The following TMEM175 variants were observed in gnomAD, a reference collection of about 807,000 sequenced individuals.
TMEM175 encodes the protein endosomal/lysosomal proton channel TMEM175.
Under a neutral mutation model 36.5 loss-of-function variants are expected in TMEM175, and 36 were observed. That is an observed-to-expected ratio of 0.99 (90% CI 0.76 to 1.30). TMEM175 has a LOEUF of 1.30. Ranked by LOEUF, TMEM175 falls within the 50% of genes most tolerant of loss-of-function variation. The pLI, the probability that TMEM175 is intolerant of heterozygous loss-of-function variation, is 0.00. For missense variants in TMEM175, 705 were observed against 692.8 expected (o/e 1.02, Z -0.20); for synonymous variants, 339 against 313.4 (o/e 1.08, Z -0.86).
chr4:938,455 G>C (rs2152996813), intron 1 of TMEM175, among the ~76,000 whole-genome samples: 1 of 152,236 alleles, frequency 6.6e-6, no homozygotes, highest in Admixed American at 6.5e-5. Flanking sequence ...AGTGAGCTGA[G>C]ATCGCACCAC....
At position 958,402 on chromosome 4, in the gene TMEM175, G is replaced by A. The variant is rs144899767; in HGVS notation, c.1421G>A (p.Arg474Gln). ...GTGGGCCTGGCCCTGGCCACCCTGC[G>A]GGTCCTGCGGGGCCTCGCCCGGCCC... ...LLVGLALATLRVLRGLARPEH... is the reference protein window; with the variant it reads ...LLVGLALATLQVLRGLARPEH... The change falls in exon 11 of 11, where the codon CGG becomes CAG. Residue 474 changes from arginine to glutamine, a missense_variant. Arg to Gln is a conservative substitution (Grantham distance 43). Transcript: ENST00000264771. The A allele has an allele frequency of 4.4e-5, 70 of 1,599,846 alleles. No individual in the cohort carries two copies. The highest frequency in any genetic ancestry group is 3.5e-4 in the African/African-American group (26 of 74,880).
At chr4:955,379 C>A (rs1303265115) in intron 8 of TMEM175, 26 bp from the exon 9 acceptor site, 1 of 1,604,786 alleles carries the variant, frequency 6.2e-7, no homozygotes. Flanking sequence ...GTGGAGGGCA[C>A]TGACCTGCGG....
chr4:941,515 G>A (rs895063524), intron 1 of TMEM175, among the ~76,000 whole-genome samples: 11 of 149,598 alleles, frequency 7.4e-5, no homozygotes, highest in African/African-American at 2.5e-4. Flanking sequence ...CTCGGCTCAC[G>A]GCAGCGTCTG....
intron 3 of TMEM175, among the ~76,000 whole-genome samples, chr4:949,889 T>C (rs934146661): frequency 2.0e-5 from 3 of 152,042 alleles, no homozygotes; most frequent in Non-Finnish European, 4.4e-5. Context: ...CCTTCCGAAG[T>C]CCGCATGCCG....
intron 1 of TMEM175, among the ~76,000 whole-genome samples, chr4:938,973 C>T (rs916154047): frequency 2.0e-5 from 3 of 152,148 alleles, no homozygotes; most frequent in Non-Finnish European, 4.4e-5. Flanking sequence ...ATTTACATTA[C>T]CTAATTTAAA....
intron 1 of TMEM175, among the ~76,000 whole-genome samples, chr4:940,199 A>G (rs188471237): frequency 2.6e-5 from 4 of 152,260 alleles, no homozygotes; most frequent in African/African-American, 4.8e-5. Flanking sequence ...CTGTAATCCC[A>G]GCACTTTCGG....
chr4:957,686 T>A, intron 10 of TMEM175, 138 bp from the exon 11 acceptor site: 1 of 804,350 alleles, frequency 1.2e-6, no homozygotes, highest in Non-Finnish European at 2.0e-6. Context: ...GTTCTGAAAT[T>A]TAGCACACTG....
At chr4:935,398 A>C (rs1368111840) in intron 1 of TMEM175, among the ~76,000 whole-genome samples, 1 of 152,212 alleles carries the variant, frequency 6.6e-6, no homozygotes, top group African/African-American at 2.4e-5. Flanking sequence ...TGATTTCCTA[A>C]ATTTCATAGC....
At chr4:944,556 T>C (rs1407320221) in intron 1 of TMEM175, among the ~76,000 whole-genome samples, 1 of 152,104 alleles carries the variant, frequency 6.6e-6, no homozygotes, top group Non-Finnish European at 1.5e-5. Context: ...TGGCGAACAT[T>C]GTTCTTATTT....
rs377630817 is a variant in TMEM175 at position 948,193 on chromosome 4, C to T, written c.192+39C>T. The T allele has an allele frequency of 7.6e-5, 122 of 1,614,024 alleles. No homozygotes were observed. In the South Asian group the frequency reaches 1.1e-3, roughly 15 times the overall value. On this transcript the variant is annotated intron_variant, in intron 3 of 10. Coordinates refer to ENST00000264771, the MANE Select transcript of TMEM175 (RefSeq NM_032326.4). ...CTGTGCTCTGCGTGGTGTGGCCCTGCGAAGATATAGGGTCCCCGAGGCTCG... is the reference window on the plus strand; with the variant it reads ...CTGTGCTCTGCGTGGTGTGGCCCTGTGAAGATATAGGGTCCCCGAGGCTCG...
At chr4:950,974 C>T (rs975947926) in intron 4 of TMEM175, among the ~76,000 whole-genome samples, 4 of 150,936 alleles carry the variant, frequency 2.7e-5, no homozygotes, top group African/African-American at 9.8e-5. Flanking sequence ...GTGCAGTAGG[C>T]GGAGGTGTGG....
At chr4:949,332 T>C (rs1728575572) in intron 3 of TMEM175, among the ~76,000 whole-genome samples, 1 of 152,216 alleles carries the variant, frequency 6.6e-6, no homozygotes, top group Non-Finnish European at 1.5e-5. Flanking sequence ...GCCCTGTCTT[T>C]TCTCTGTTGT....
intron 6 of TMEM175, 94 bp from the exon 7 acceptor site, chr4:952,273 G>C (rs1052135517): frequency 1.3e-5 from 14 of 1,119,580 alleles, no homozygotes; most frequent in Non-Finnish European, 1.9e-5. Context: ...CCAGCGTCCC[G>C]TGGAGTGGGG....
intron 6 of TMEM175, chr4:952,096 C>T: frequency 1.7e-6 from 1 of 591,326 alleles, no homozygotes; most frequent in East Asian, 2.8e-5. Context: ...GTGTGCGGGG[C>T]TGTGTGCCAC....
At chr4:939,889 C>T (rs1437366275) in intron 1 of TMEM175, among the ~76,000 whole-genome samples, 2 of 152,092 alleles carry the variant, frequency 1.3e-5, no homozygotes, top group African/African-American at 4.8e-5. Flanking sequence ...ATGAAGGAAA[C>T]AGATAAACTG....
intron 8 of TMEM175, among the ~76,000 whole-genome samples, chr4:954,075 G>T (rs545983274): frequency 6.6e-6 from 1 of 151,436 alleles, no homozygotes; most frequent in African/African-American, 2.4e-5. Flanking sequence ...TGCAACCTCT[G>T]CCTCCCAGGT....
chr4:935,886 T>C (rs1177658884), intron 1 of TMEM175, among the ~76,000 whole-genome samples: 1 of 152,238 alleles, frequency 6.6e-6, no homozygotes, highest in Non-Finnish European at 1.5e-5. Context: ...TGTATATTTT[T>C]TCAACTCACT....
chr4:958,081 G>A lies in TMEM175; in HGVS notation c.1100G>A (p.Arg367Gln), dbSNP rs748176662. 33 of 1,607,956 alleles carry A rather than the reference G, an allele frequency of 2.1e-5. No individual in the cohort carries two copies. Among genetic ancestry groups the A allele is most frequent in the Middle Eastern group, 1.6e-4 (1 of 6,082 alleles). ...LAYQQTSAFA[R>Q]QPRDELERVR... Reference sequence around the variant, plus strand: ...TACCAGCAGACCTCGGCCTTCGCCCGGCAGCCCCGCGATGAGCTGGAGCGC... The same window carrying A: ...TACCAGCAGACCTCGGCCTTCGCCCAGCAGCCCCGCGATGAGCTGGAGCGC... The change falls in exon 11 of 11, where the codon CGG becomes CAG. Residue 367 changes from arginine to glutamine, a missense_variant. Physicochemically the swap from Arg to Gln is conservative, Grantham distance 43 (BLOSUM62 1). Coordinates refer to ENST00000264771, the MANE Select transcript of TMEM175 (RefSeq NM_032326.4).
In TMEM175 at chr4:947,780, C is replaced by G. The variant is rs148512239; in HGVS notation, c.41C>G (p.Pro14Arg). The change falls in exon 2 of 11, where the codon CCG (proline) becomes CGG (arginine). Residue 14 changes from proline (P) to arginine (R), a missense_variant. Pro to Arg is a moderately radical substitution (Grantham distance 103). Coordinates refer to ENST00000264771, the MANE Select transcript of TMEM175 (RefSeq NM_032326.4). The part of the protein sequence containing the change: ...PRTPEQALDT[P>R]GDCPPGRRDE... ...ACCCCAGAGCAGGCACTGGATACAC[C>G]GGGGGACTGCCCCCCAGGCAGGAGA... The G allele has an allele frequency of 6.2e-7, 1 of 1,612,660 alleles. No homozygotes were observed. The highest frequency in any genetic ancestry group is 8.5e-7 in the Non-Finnish European group (1 of 1,179,822).
Sources: gnomAD v4.1 joint callset for allele counts (sites outside exome capture counted in the v4.1 genomes callset) on GRCh38, gnomAD v4.1.1 for gene constraint, MANE v1.5 for transcripts, NCBI Gene and HGNC (gene_info 2026-07-23, HGNC 2026-07-21) for gene names.